Variants in HIVEP2 observed in about 807,000 individuals in gnomAD.
The protein encoded by HIVEP2 is transcription factor HIVEP2.
HIVEP2 carries 14 observed loss-of-function variants against 180.7 expected under a neutral mutation model. That is an observed-to-expected ratio of 0.08 (90% confidence interval 0.05 to 0.12). HIVEP2 has a LOEUF of 0.12. Among genes scored for constraint, HIVEP2 ranks in the 10% least tolerant of loss-of-function variants. The probability of loss-of-function intolerance (pLI) is 1.00; values close to 1 mark genes in which losing one functional copy is unlikely to be tolerated. For synonymous variants in HIVEP2, 1,184 were observed against 1,136.4 expected (o/e 1.04, Z -0.84); for missense variants, 2,579 against 3,008.5 (o/e 0.86, Z 3.34).
Position 142,774,569 on chromosome 6 carries a change from T to C in HIVEP2, c.170A>G (p.Asn57Ser). ...ACCAAACAGTTGTGCTGATGCTGTG[T>C]TTCCGATTTGCTCAGGCTCTATTTG... ...QPQIEPEQIGNTASAQLFGSG... is the reference protein window; with the variant it reads ...QPQIEPEQIGSTASAQLFGSG... Residue 57 changes from asparagine (N) to serine (S), a missense_variant, in exon 5 of 10, where the codon AAC (asparagine) becomes AGC (serine). By Grantham distance (46) the Asn-to-Ser change is conservative. Coordinates refer to ENST00000367603, the MANE Select transcript of HIVEP2 (RefSeq NM_006734.4). The surrounding 1 kb of genome is among the most constrained non-coding windows in gnomAD (Gnocchi z 5.1). 1 of 1,614,204 alleles carries C rather than the reference T, an allele frequency of 6.2e-7. No individual in the cohort carries two copies.
At chr6:142,829,147 T>C (rs1443168314) in intron 2 of HIVEP2, among the ~76,000 whole-genome samples, 2 of 152,152 alleles carry the variant, frequency 1.3e-5, no homozygotes, top group Non-Finnish European at 2.9e-5. Flanking sequence ...ATTCCTTAGC[T>C]CAAAAGTGGG....
chr6:142,779,693 G>A (rs1364191824), intron 3 of HIVEP2: 1 of 151,804 alleles, frequency 6.6e-6, no homozygotes, highest in Non-Finnish European at 1.5e-5. Context: ...TAAAAAACAG[G>A]GTTGGAATAA....
intron 2 of HIVEP2, among the ~76,000 whole-genome samples, chr6:142,819,937 C>T (rs1437671775): frequency 6.6e-6 from 1 of 152,116 alleles, no homozygotes; most frequent in African/African-American, 2.4e-5. Flanking sequence ...AGGATTTCGG[C>T]GTGTTGTATA....
chr6:142,775,664 G>A (rs966860557), intron 4 of HIVEP2, among the ~76,000 whole-genome samples: 12 of 151,884 alleles, frequency 7.9e-5, no homozygotes, highest in South Asian at 2.1e-4. Context: ...GTGAAACCCC[G>A]TCTCTACTAA....
chr6:142,863,231 T>G (rs986798202), intron 1 of HIVEP2, among the ~76,000 whole-genome samples: 3 of 151,006 alleles, frequency 2.0e-5, no homozygotes, highest in Non-Finnish European at 4.4e-5. Context: ...ACCACAAAAT[T>G]TAATATAAAA....
At chr6:142,818,785 GAA>G (rs1562249265) in intron 2 of HIVEP2, among the ~76,000 whole-genome samples, 5 of 130,288 alleles carry the variant, frequency 3.8e-5, no homozygotes, top group African/African-American at 1.5e-4. Context: ...AAGAAAGAAA[GAA>G]AGAAAAAGAA....
intron 2 of HIVEP2, among the ~76,000 whole-genome samples, chr6:142,800,486 G>T (rs144905446): frequency 1.1e-3 from 171 of 152,178 alleles, no homozygotes; most frequent in African/African-American, 4.0e-3. Flanking sequence ...TGCCTAATAT[G>T]CTCAGAAACA....
At position 142,770,530 on chromosome 6, in the gene HIVEP2, C is replaced by T. The variant is rs372421613; in HGVS notation, c.4209G>A (p.Lys1403=). 5.0e-6 allele frequency: 8 copies of T among 1,614,066 alleles called. No individual in the cohort carries two copies. The Admixed American group carries it at 6.7e-5, about 13-fold the overall frequency. Residue 1403 remains lysine, a synonymous_variant, in exon 5 of 10, where the codon AAG becomes AAA. Transcript: ENST00000367603. The surrounding 1 kb of genome is among the most constrained non-coding windows in gnomAD (Gnocchi z 4.7). ...TCTGAGGTGCTTTCCAAATGGGGTA[C>T]TTCTCCAAGCCCGCATGCTGCCCCA... ...QVLGQHAGLE[K]YPIWKAPQTL... is the part of the protein sequence containing the mutation.
chr6:142,909,446 A>G (rs965488827), intron 1 of HIVEP2, among the ~76,000 whole-genome samples: 21 of 152,224 alleles, frequency 1.4e-4, no homozygotes, highest in Admixed American at 1.4e-3. Flanking sequence ...TGATTTTAAG[A>G]CAATTTAAAT....
At chr6:142,925,277 T>G (rs531429645) in intron 1 of HIVEP2, among the ~76,000 whole-genome samples, 1 of 152,358 alleles carries the variant, frequency 6.6e-6, no homozygotes, top group Non-Finnish European at 1.5e-5. Flanking sequence ...ATAACCTTGT[T>G]TGTCCCCAAA....
intron 2 of HIVEP2, among the ~76,000 whole-genome samples, chr6:142,825,637 CATATCTGATTTTA>C (rs1774870421): frequency 6.6e-6 from 1 of 152,154 alleles, no homozygotes; most frequent in Non-Finnish European, 1.5e-5. Flanking sequence ...TAAGGTCAAA[CATATCTGATTTTA>C]ATAGACATTA....
At chr6:142,874,950 T>C (rs1776392973) in intron 1 of HIVEP2, among the ~76,000 whole-genome samples, 1 of 152,150 alleles carries the variant, frequency 6.6e-6, no homozygotes, top group Admixed American at 6.6e-5. Flanking sequence ...CACCATCTTC[T>C]CTACTAGGCA....
intron 3 of HIVEP2, among the ~76,000 whole-genome samples, chr6:142,779,861 G>C (rs1182860752): frequency 6.6e-6 from 1 of 151,936 alleles, no homozygotes; most frequent in Non-Finnish European, 1.5e-5. Context: ...ATAAAATTCA[G>C]AAATAATATT....
Position 142,772,241 on chromosome 6 carries a change from G to A in HIVEP2, c.2498C>T (p.Pro833Leu). 3.1e-6 allele frequency: 5 copies of A among 1,614,224 alleles called. No individual in the cohort carries two copies. Among genetic ancestry groups the A allele is most frequent in the Non-Finnish European group, 4.2e-6 (5 of 1,180,042 alleles). ...VACTQDKAPS[P>L]SETCDSEISE... ...AATCTCACTGTCACAAGTCTCTGAA[G>A]GGGAAGGGGCTTTATCCTGTGTGCA... Residue 833 changes from proline to leucine, a missense_variant, in exon 5 of 10, where the codon CCT (proline) becomes CTT (leucine). Pro to Leu is a moderately conservative substitution (Grantham distance 98). This residue lies in a region of HIVEP2 where 524 missense variants were observed against 563.6 expected (regional missense o/e 0.93). Coordinates refer to ENST00000367603, the MANE Select transcript of HIVEP2 (RefSeq NM_006734.4). The surrounding 1 kb of genome is among the most constrained non-coding windows in gnomAD (Gnocchi z 4.9).
chr6:142,776,553 T>C (rs917054174), intron 3 of HIVEP2, among the ~76,000 whole-genome samples: 2 of 151,006 alleles, frequency 1.3e-5, no homozygotes, highest in African/African-American at 2.4e-5. Flanking sequence ...TTTTTTGAGA[T>C]AGAGTCTCAC....
chr6:142,908,248 T>G (rs1293906526), intron 1 of HIVEP2, among the ~76,000 whole-genome samples: 2 of 152,226 alleles, frequency 1.3e-5, no homozygotes, highest in Non-Finnish European at 2.9e-5. Context: ...CCATATGTGG[T>G]GTTCCTACTT....
Position 142,771,774 on chromosome 6 carries a change from T to C in HIVEP2, c.2965A>G (p.Ser989Gly), listed in dbSNP as rs578233657. ...TGCTTAGGAAGTGCAGAAAGCTTAC[T>C]GGTTTCTTCTCTTTCAAAAGACATG... ...FSMSFEREET[S>G]KLSALPKQDE... The change falls in exon 5 of 10, where the codon AGT becomes GGT. Residue 989 changes from serine to glycine, a missense_variant. Physicochemically the swap from Ser to Gly is moderately conservative, Grantham distance 56. Coordinates refer to ENST00000367603, the MANE Select transcript of HIVEP2 (RefSeq NM_006734.4). The surrounding 1 kb of genome is among the most constrained non-coding windows in gnomAD (Gnocchi z 5.4). The C allele has an allele frequency of 1.5e-5, 24 of 1,614,210 alleles. No individual in the cohort carries two copies. The highest frequency in any genetic ancestry group is 7.7e-5 in the South Asian group (7 of 91,080).
chr6:142,912,316 T>A (rs754162800), intron 1 of HIVEP2, among the ~76,000 whole-genome samples: 33 of 152,196 alleles, frequency 2.2e-4, no homozygotes, highest in Non-Finnish European at 4.9e-4. Context: ...GTTATTTACA[T>A]CTAGTTCCAA....
At chr6:142,798,207 T>C (rs191096796) in intron 2 of HIVEP2, among the ~76,000 whole-genome samples, 1 of 151,864 alleles carries the variant, frequency 6.6e-6, no homozygotes, top group African/African-American at 2.4e-5. Context: ...TAGCTCCTCT[T>C]GCAGTGAGCT....
Sources: allele counts gnomAD v4.1 joint callset (sites outside exome capture counted in the v4.1 genomes callset), GRCh38; gene constraint gnomAD v4.1.1; regional missense constraint gnomAD v4.1.1; non-coding constraint Gnocchi (gnomAD v3.1); transcripts MANE v1.5; gene names NCBI Gene and HGNC (gene_info 2026-07-23, HGNC 2026-07-21).